The following FMN2 variants were observed in gnomAD, a reference collection of about 807,000 sequenced individuals.
FMN2 encodes formin-2.
Under a neutral mutation model 142.3 loss-of-function variants are expected in FMN2, and 51 were observed. The observed-to-expected ratio is 0.36, with a 90% CI of 0.29 to 0.45. The LOEUF is 0.45. Ranked by LOEUF, FMN2 falls within the 20% of genes least tolerant of loss-of-function variation. The pLI, the probability that FMN2 is intolerant of heterozygous loss-of-function variation, is 1.00. For synonymous variants in FMN2, 882 were observed against 869.8 expected (o/e 1.01, Z -0.25); for missense variants, 1,936 against 2,122.8 (o/e 0.91, Z 1.73).
intron 16 of FMN2, among the ~76,000 whole-genome samples, chr1:240,468,527 C>T (rs915310947): frequency 6.6e-6 from 1 of 152,150 alleles, no homozygotes. Context: ...CGTTCTCACT[C>T]TATCAATGAG....
chr1:240,352,163 C>G (rs746718169), intron 13 of FMN2, among the ~76,000 whole-genome samples: 7 of 152,118 alleles, frequency 4.6e-5, no homozygotes, highest in Non-Finnish European at 1.5e-5. Flanking sequence ...AAAGTCACTA[C>G]TTGAAGACTG....
At chr1:240,436,951 C>T (rs1675394730) in intron 15 of FMN2, among the ~76,000 whole-genome samples, 1 of 152,170 alleles carries the variant, frequency 6.6e-6, no homozygotes, top group South Asian at 2.1e-4. Flanking sequence ...AGCTTATTTG[C>T]ATGCCACTCC....
intron 2 of FMN2, among the ~76,000 whole-genome samples, chr1:240,138,199 G>A (rs1456605964): frequency 6.6e-6 from 1 of 152,012 alleles, no homozygotes; most frequent in Admixed American, 6.6e-5. Context: ...GCCGGTGGAG[G>A]GTGTTAGGTG....
intron 7 of FMN2, among the ~76,000 whole-genome samples, chr1:240,278,324 G>A (rs1364476488): frequency 2.0e-5 from 3 of 152,142 alleles, no homozygotes; most frequent in Non-Finnish European, 2.9e-5. Flanking sequence ...AAGACATGAC[G>A]TGACTCTTCT....
chr1:240,227,315 A>G (rs542399462), intron 6 of FMN2, among the ~76,000 whole-genome samples: 2 of 152,320 alleles, frequency 1.3e-5, no homozygotes, highest in South Asian at 4.1e-4. Context: ...TAAAGGGAAC[A>G]TGCCATGGTT....
At chr1:240,346,745 A>G (rs1163242644) in intron 13 of FMN2, among the ~76,000 whole-genome samples, 2 of 120,332 alleles carry the variant, frequency 1.7e-5, no homozygotes, top group African/African-American at 7.9e-5. Context: ...ATATGTTTGA[A>G]TTTGAGTTGA....
chr1:240,143,177 G>T, intron 2 of FMN2: 1 of 1,583,232 alleles, frequency 6.3e-7, no homozygotes, highest in Non-Finnish European at 8.7e-7. Flanking sequence ...CAGCCAGACG[G>T]GCATTATTGG....
intron 2 of FMN2, among the ~76,000 whole-genome samples, chr1:240,131,605 A>G (rs1408961783): frequency 6.6e-6 from 1 of 152,094 alleles, no homozygotes; most frequent in African/African-American, 2.4e-5. Flanking sequence ...GCTACTCAGG[A>G]GACTGAGGCA....
intron 14 of FMN2, among the ~76,000 whole-genome samples, chr1:240,388,004 C>T (rs895442589): frequency 7.9e-5 from 12 of 151,718 alleles, no homozygotes; most frequent in Middle Eastern, 3.4e-3. Context: ...GGTGAAACCC[C>T]GTTTCTACTA....
intron 14 of FMN2, 81 bp from the exon 15 acceptor site, chr1:240,392,430 G>A (rs767847354): frequency 2.2e-5 from 24 of 1,087,170 alleles, no homozygotes; most frequent in Middle Eastern, 2.1e-4. Flanking sequence ...AATAAGTTAC[G>A]TTATGTAGGG....
chr1:240,382,562 G>A (rs992689056), intron 14 of FMN2, among the ~76,000 whole-genome samples: 5 of 152,002 alleles, frequency 3.3e-5, no homozygotes, highest in Non-Finnish European at 5.9e-5. Flanking sequence ...TCAGGAGGCC[G>A]AGGCAGGAGA....
chr1:240,188,991 GC>G (rs1321256392), intron 4 of FMN2, among the ~76,000 whole-genome samples: 2 of 152,076 alleles, frequency 1.3e-5, no homozygotes, highest in Non-Finnish European at 2.9e-5. Context: ...GGAAAGATCA[GC>G]CCCCATGATT....
At chr1:240,346,069 G>A (rs1162765683) in intron 13 of FMN2, among the ~76,000 whole-genome samples, 1 of 152,026 alleles carries the variant, frequency 6.6e-6, no homozygotes, top group Non-Finnish European at 1.5e-5. Flanking sequence ...GCAAGTTGTA[G>A]GAAAAATATG....
At chr1:240,224,647 A>G (rs1320062855) in intron 6 of FMN2, among the ~76,000 whole-genome samples, 1 of 152,128 alleles carries the variant, frequency 6.6e-6, no homozygotes, top group Non-Finnish European at 1.5e-5. Context: ...TGAGTCTTAA[A>G]CATACTCTTA....
At chr1:240,430,075 T>C (rs1402385931) in intron 15 of FMN2, among the ~76,000 whole-genome samples, 1 of 151,672 alleles carries the variant, frequency 6.6e-6, no homozygotes, top group Non-Finnish European at 1.5e-5. Context: ...TTTAGTAGAG[T>C]TGGGATTCCA....
At chr1:240,445,134 G>A (rs909720689) in intron 16 of FMN2, among the ~76,000 whole-genome samples, 4 of 152,318 alleles carry the variant, frequency 2.6e-5, no homozygotes, top group Non-Finnish European at 4.4e-5. Context: ...AATGGAGGCC[G>A]AGGGTGTGAG....
rs1670190490 is a variant in FMN2, at chr1:240,301,378, G to A, written c.4215+6495G>A. Reference sequence around the variant, plus strand: ...ACGTGAGTAGCATCTGTATGTGATTGTATTTTTAAATAATTAAACATATTT... The same window carrying A: ...ACGTGAGTAGCATCTGTATGTGATTATATTTTTAAATAATTAAACATATTT... On this transcript the variant is annotated intron_variant, in intron 8 of 17. Transcript: ENST00000319653. Among the ~76,000 whole-genome samples the A allele has an allele frequency of 5.3e-5, 8 of 151,582 alleles. No homozygotes were observed. In the South Asian group the frequency reaches 1.7e-3, roughly 31 times the overall value.
intron 2 of FMN2, among the ~76,000 whole-genome samples, chr1:240,125,812 A>G (rs1344019473): frequency 1.3e-5 from 2 of 152,090 alleles, no homozygotes; most frequent in Admixed American, 1.3e-4. Flanking sequence ...CTTCCCCATC[A>G]TCTTATTTTG....
At chr1:240,454,368 C>G (rs921996824) in intron 16 of FMN2, among the ~76,000 whole-genome samples, 2 of 152,086 alleles carry the variant, frequency 1.3e-5, no homozygotes, top group African/African-American at 4.8e-5. Context: ...ATGGCAAAAC[C>G]CCATATCTAC....
Sources: allele counts gnomAD v4.1 joint callset (sites outside exome capture counted in the v4.1 genomes callset), GRCh38; gene constraint gnomAD v4.1.1; transcripts MANE v1.5; gene names NCBI Gene and HGNC (gene_info 2026-07-23, HGNC 2026-07-21).